The following PTPRD variants were observed in gnomAD, a reference collection of about 807,000 sequenced individuals.
PTPRD encodes receptor-type tyrosine-protein phosphatase delta.
A neutral mutation model predicts 214.5 loss-of-function variants in PTPRD; 34 were observed. The ratio of observed to expected loss-of-function variants is 0.16; its 90% CI spans 0.12 to 0.21. PTPRD has a LOEUF of 0.21. PTPRD is among the 10% of genes least tolerant of loss of function. PTPRD has a pLI of 1.00. For synonymous variants in PTPRD, 1,128 were observed against 845.7 expected (o/e 1.33, Z -5.79); for missense variants, 2,545 against 2,398.7 (o/e 1.06, Z -1.27).
chr9:8,321,565 A>G (rs964347957), intron 44 of PTPRD, among the ~76,000 whole-genome samples: 5 of 143,058 alleles, frequency 3.5e-5, no homozygotes, highest in African/African-American at 1.3e-4. Context: ...GCATTATACT[A>G]AAGGAATATT....
chr9:8,636,808 G>A lies in PTPRD; in HGVS notation c.101C>T (p.Thr34Ile), dbSNP rs149272663. 16 of 1,614,026 alleles carry A rather than the reference G, an allele frequency of 9.9e-6. No individual in the cohort carries two copies. The highest frequency in any genetic ancestry group is 1.7e-5 in the Admixed American group (1 of 60,012). The change falls in exon 13 of 46, where the codon ACA becomes ATA. Residue 34 changes from threonine (T) to isoleucine (I), a missense_variant. By Grantham distance (89) the Thr-to-Ile change is moderately conservative. Transcript: ENST00000381196. ...PRFTRTPVDQ[T>I]GVSGGVASFI... ...AGAGGCAACTCCGCCAGAGACCCCTGTCTGATCAACGGGTGTTCGTGTAAA... is the reference window on the plus strand; with the variant it reads ...AGAGGCAACTCCGCCAGAGACCCCTATCTGATCAACGGGTGTTCGTGTAAA...
At chr9:8,452,111 G>A (rs1309224690) in intron 33 of PTPRD, among the ~76,000 whole-genome samples, 2 of 152,208 alleles carry the variant, frequency 1.3e-5, no homozygotes, top group Non-Finnish European at 2.9e-5. Flanking sequence ...AATGAACAGG[G>A]AGGGATGTAG....
intron 2 of PTPRD, among the ~76,000 whole-genome samples, chr9:10,588,274 G>T (rs1009577943): frequency 6.6e-6 from 1 of 151,982 alleles, no homozygotes; most frequent in African/African-American, 2.4e-5. Flanking sequence ...TCTTTGTAAG[G>T]TAGTGCAAAG....
intron 9 of PTPRD, among the ~76,000 whole-genome samples, chr9:9,345,503 T>C (rs1436457104): frequency 6.7e-6 from 1 of 149,638 alleles, no homozygotes; most frequent in African/African-American, 2.4e-5. Context: ...CTAAATAAAA[T>C]ATTTTTTTTA....
chr9:9,428,398 A>T (rs113727021), intron 8 of PTPRD, among the ~76,000 whole-genome samples: 9,967 of 152,178 alleles, frequency 0.065, 361 homozygotes, highest in Middle Eastern at 0.17. Flanking sequence ...CCCAGATTCA[A>T]AAAGCAAGTC....
chr9:8,482,332 A>G (rs2096905170), intron 30 of PTPRD, among the ~76,000 whole-genome samples: 2 of 152,106 alleles, frequency 1.3e-5, no homozygotes, highest in Admixed American at 6.5e-5. Context: ...CTACCTCTGC[A>G]TCCTACTTCC....
intron 5 of PTPRD, among the ~76,000 whole-genome samples, chr9:9,783,260 C>T (rs1329503439): frequency 6.6e-6 from 1 of 152,062 alleles, no homozygotes; most frequent in Non-Finnish European, 1.5e-5. Context: ...TATTTTTTTA[C>T]CAAGGTTTTA....
At chr9:9,257,847 A>T (rs2099978394) in intron 9 of PTPRD, among the ~76,000 whole-genome samples, 3 of 152,066 alleles carry the variant, frequency 2.0e-5, no homozygotes, top group South Asian at 4.1e-4. Context: ...TAGCAGGGAC[A>T]TTAGGGACAA....
In PTPRD at chr9:9,950,525, C is replaced by T; in HGVS notation, c.-471-11915G>A. 5.4e-5 allele frequency among the ~76,000 whole-genome samples: 2 copies of T among 37,062 alleles called. 1 individual carries two copies. Among genetic ancestry groups the T allele is most frequent in the African/African-American group, 1.1e-3 (2 of 1,754 alleles). The allele number at this position is 37,062 out of a possible 152,430, so 24.3% of individuals were successfully genotyped here. A position where few individuals can be genotyped will look rare whatever the true frequency, so the allele number is the denominator to read the frequency against. ...GGATCACGAGGTCAGGAGATCGAGA[C>T]CATCCTGGCTAACACGGTGAAACCC... On this transcript the variant is annotated intron_variant, in intron 4 of 45. Coordinates refer to ENST00000381196, the MANE Select transcript of PTPRD (RefSeq NM_002839.4).
chr9:10,301,132 G>C (rs2095850238), intron 3 of PTPRD, among the ~76,000 whole-genome samples: 1 of 152,154 alleles, frequency 6.6e-6, no homozygotes, highest in African/African-American at 2.4e-5. Flanking sequence ...AGAGGGACTG[G>C]AGTGGACCTC....
intron 11 of PTPRD, among the ~76,000 whole-genome samples, chr9:8,768,275 G>A (rs888981746): frequency 2.6e-5 from 4 of 152,146 alleles, no homozygotes; most frequent in African/African-American, 4.8e-5. Context: ...ATAATGGTAC[G>A]TGCCTATAGT....
intron 7 of PTPRD, among the ~76,000 whole-genome samples, chr9:9,694,858 C>A (rs1260666959): frequency 6.6e-6 from 1 of 152,074 alleles, no homozygotes; most frequent in Admixed American, 6.6e-5. Flanking sequence ...CTCTTCAGGC[C>A]CTGGGGTGCC....
chr9:9,209,813 T>C (rs981008943), intron 9 of PTPRD, among the ~76,000 whole-genome samples: 11 of 152,278 alleles, frequency 7.2e-5, no homozygotes, highest in Admixed American at 7.2e-4. Context: ...TTGCAATTAG[T>C]AAGTTAGCCT....
intron 3 of PTPRD, among the ~76,000 whole-genome samples, chr9:10,041,920 C>T (rs1189632538): frequency 6.6e-6 from 1 of 151,968 alleles, no homozygotes; most frequent in African/African-American, 2.4e-5. Flanking sequence ...ATAACATCCT[C>T]CTTAGAAGCA....
In PTPRD at chr9:10,072,136, T is replaced by A. The variant is rs116058928; in HGVS notation, c.-544-38346A>T. On this transcript the variant is annotated intron_variant, in intron 3 of 45. Coordinates refer to ENST00000381196, the MANE Select transcript of PTPRD (RefSeq NM_002839.4). Reference sequence around the variant, plus strand: ...ATATACTTGTATATGAAATATACAATAATTCTTAAAACTCATCAATAAGAA... The same window carrying A: ...ATATACTTGTATATGAAATATACAAAAATTCTTAAAACTCATCAATAAGAA... 2.4e-3 allele frequency among the ~76,000 whole-genome samples: 359 copies of A among 152,012 alleles called. 1 individual carries two copies. The highest frequency in any genetic ancestry group is 8.5e-3 in the African/African-American group (351 of 41,510).
intron 7 of PTPRD, among the ~76,000 whole-genome samples, chr9:9,672,766 T>C (rs762417669): frequency 2.6e-5 from 4 of 152,084 alleles, no homozygotes; most frequent in Non-Finnish European, 4.4e-5. Context: ...ATTAGTGATG[T>C]ATGACTGTAT....
At chr9:9,914,350 G>A (rs2080070779) in intron 5 of PTPRD, among the ~76,000 whole-genome samples, 1 of 152,200 alleles carries the variant, frequency 6.6e-6, no homozygotes, top group Admixed American at 6.5e-5. Flanking sequence ...CACACCCATG[G>A]GCCAGGAAAA....
intron 9 of PTPRD, among the ~76,000 whole-genome samples, chr9:9,378,623 T>C (rs10977687): frequency 6.6e-6 from 1 of 151,994 alleles, no homozygotes; most frequent in Non-Finnish European, 1.5e-5. Context: ...CCATTTTATA[T>C]GTCTACTAGT....
At chr9:9,434,311 G>A (rs562789106) in intron 8 of PTPRD, among the ~76,000 whole-genome samples, 152 of 152,210 alleles carry the variant, frequency 1.0e-3, no homozygotes, top group African/African-American at 3.5e-3. Flanking sequence ...TAACCAGGGA[G>A]GTGAAGTATC....
Sources: allele counts gnomAD v4.1 joint callset (sites outside exome capture counted in the v4.1 genomes callset), GRCh38; gene constraint gnomAD v4.1.1; transcripts MANE v1.5; gene names NCBI Gene and HGNC (gene_info 2026-07-23, HGNC 2026-07-21).